Variants in PPP2R2C observed in about 807,000 individuals in gnomAD.
PPP2R2C encodes the protein protein phosphatase 2 regulatory subunit Bgamma, also known as protein phosphatase 2, regulatory subunit B, gamma.
A neutral mutation model predicts 45.3 loss-of-function variants in PPP2R2C; 10 were observed. The observed-to-expected ratio is 0.22, with a 90% CI of 0.14 to 0.37. The LOEUF (loss-of-function observed/expected upper bound fraction) is 0.37. Ranked by LOEUF, PPP2R2C falls within the 10% of genes least tolerant of loss-of-function variation. The pLI, the probability that PPP2R2C is intolerant of heterozygous loss-of-function variation, is 1.00. For synonymous variants in PPP2R2C, 257 were observed against 245.4 expected (o/e 1.05, Z -0.44); for missense variants, 308 against 619.7 (o/e 0.50, Z 5.34).
intron 2 of PPP2R2C, among the ~76,000 whole-genome samples, chr4:6,530,932 G>A (rs1724376260): frequency 6.6e-6 from 1 of 152,226 alleles, no homozygotes; most frequent in South Asian, 2.1e-4. Flanking sequence ...TGACCAACAG[G>A]AGGGACACAT....
intron 1 of PPP2R2C, among the ~76,000 whole-genome samples, chr4:6,450,061 C>T (rs140606403): frequency 4.6e-5 from 7 of 152,336 alleles, no homozygotes; most frequent in East Asian, 3.9e-4. Flanking sequence ...CAGTTCCAGC[C>T]GCAAAATTAG....
At chr4:6,379,635 C>T (rs1408733105) in intron 2 of PPP2R2C, among the ~76,000 whole-genome samples, 8 of 152,240 alleles carry the variant, frequency 5.3e-5, no homozygotes, top group South Asian at 2.1e-4. Flanking sequence ...GGCTGAGCTT[C>T]GCAGTGCCTG....
chr4:6,446,288 C>T (rs947677902), intron 1 of PPP2R2C, among the ~76,000 whole-genome samples: 3 of 152,208 alleles, frequency 2.0e-5, no homozygotes, highest in African/African-American at 7.2e-5. Flanking sequence ...CACACCGACA[C>T]ACCCACAGAC....
intron 5 of PPP2R2C, chr4:6,351,405 G>T: frequency 1.0e-6 from 1 of 982,800 alleles, no homozygotes; most frequent in Non-Finnish European, 1.2e-6. Flanking sequence ...CCGAGCCACG[G>T]CAACCCAGGG....
intron 1 of PPP2R2C, among the ~76,000 whole-genome samples, chr4:6,444,335 C>T (rs983214690): frequency 5.3e-5 from 8 of 152,166 alleles, no homozygotes; most frequent in African/African-American, 1.9e-4. Flanking sequence ...GATGGAGGGC[C>T]AGGCACCGTG....
chr4:6,348,716 T>C, intron 5 of PPP2R2C: 4 of 985,322 alleles, frequency 4.1e-6, no homozygotes, highest in Non-Finnish European at 4.8e-6. Flanking sequence ...GGAGCTTCTA[T>C]CTGCTGCCAG....
At chr4:6,487,783 T>G (rs951548308) in intron 2 of PPP2R2C, among the ~76,000 whole-genome samples, 1 of 152,146 alleles carries the variant, frequency 6.6e-6, no homozygotes, top group Non-Finnish European at 1.5e-5. Context: ...TGCCAGCCAT[T>G]ATTTCTTCAG....
chr4:6,380,756 C>T (rs1715716955), intron 2 of PPP2R2C, among the ~76,000 whole-genome samples: 1 of 152,090 alleles, frequency 6.6e-6, no homozygotes, highest in South Asian at 2.1e-4. Context: ...CCCACCTCGG[C>T]ATTCCAAAGC....
At chr4:6,405,282 C>T (rs897609158) in intron 1 of PPP2R2C, among the ~76,000 whole-genome samples, 18 of 152,318 alleles carry the variant, frequency 1.2e-4, no homozygotes, top group African/African-American at 3.8e-4. Context: ...GGCTCCATAG[C>T]CACTCTGCTC....
At chr4:6,333,458 C>G in intron 7 of PPP2R2C, 104 bp downstream of exon 7, 1 of 1,316,798 alleles carries the variant, frequency 7.6e-7, no homozygotes. Flanking sequence ...CACCTACATA[C>G]CGGGCATATG....
intron 8 of PPP2R2C, among the ~76,000 whole-genome samples, chr4:6,326,114 A>T (rs76290552): frequency 6.6e-6 from 1 of 152,228 alleles, no homozygotes; most frequent in African/African-American, 2.4e-5. Flanking sequence ...AAAGTGGGCA[A>T]GTGACCCACA....
At chr4:6,431,529 G>T (rs747078468) in intron 1 of PPP2R2C, among the ~76,000 whole-genome samples, 3 of 152,176 alleles carry the variant, frequency 2.0e-5, no homozygotes, top group African/African-American at 4.8e-5. Context: ...CCCCAGCCAC[G>T]TCTGTGTCCC....
chr4:6,482,686 T>TC (rs2108779609), intron 2 of PPP2R2C, among the ~76,000 whole-genome samples: 1 of 152,358 alleles, frequency 6.6e-6, no homozygotes, highest in Non-Finnish European at 1.5e-5. Context: ...CATCTGCAAT[T>TC]AAACACAATT....
At chr4:6,342,638 C>A (rs1172462732) in intron 6 of PPP2R2C, among the ~76,000 whole-genome samples, 1 of 152,246 alleles carries the variant, frequency 6.6e-6, no homozygotes, top group East Asian at 1.9e-4. Context: ...GTGTTCCGGG[C>A]ACGGCCCTTT....
chr4:6,507,468 G>A (rs1380434955), intron 2 of PPP2R2C, among the ~76,000 whole-genome samples: 1 of 152,222 alleles, frequency 6.6e-6, no homozygotes, highest in Non-Finnish European at 1.5e-5. Context: ...TGGCAGCCCT[G>A]GGCTACCCTG....
At chr4:6,504,982 C>G (rs1278804305) in intron 2 of PPP2R2C, among the ~76,000 whole-genome samples, 1 of 151,990 alleles carries the variant, frequency 6.6e-6, no homozygotes, top group African/African-American at 2.4e-5. Flanking sequence ...ACAAAGAAAA[C>G]CACATAAAGG....
In PPP2R2C at chr4:6,507,695, C is replaced by A. The variant is rs143339959; in HGVS notation, c.49+27576G>T. 8.6e-3 allele frequency among the ~76,000 whole-genome samples: 1,317 copies of A among 152,330 alleles called. 13 individuals carry two copies. The highest frequency in any genetic ancestry group is 0.024 in the Middle Eastern group (7 of 294). On this transcript the variant is annotated intron_variant, in intron 2 of 9. Transcript: ENST00000506140. ...CCAGATCACAAACTCTTGAGCAAAT[C>A]AATGGTTGTTTTAAGCCACTGAATT...
intron 2 of PPP2R2C, among the ~76,000 whole-genome samples, chr4:6,497,222 A>G (rs1012088768): frequency 2.0e-5 from 3 of 152,146 alleles, no homozygotes; most frequent in African/African-American, 7.2e-5. Context: ...CCAGCTACTT[A>G]TTTTCAGAAG....
chr4:6,390,705 G>A (rs1337496507), intron 1 of PPP2R2C, among the ~76,000 whole-genome samples: 1 of 152,162 alleles, frequency 6.6e-6, no homozygotes, highest in Non-Finnish European at 1.5e-5. Context: ...GAATATCCCT[G>A]ATGGGATTTT....
Sources: gnomAD v4.1 joint callset for allele counts (sites outside exome capture counted in the v4.1 genomes callset) on GRCh38, gnomAD v4.1.1 for gene constraint, MANE v1.5 for transcripts, NCBI Gene and HGNC (gene_info 2026-07-23, HGNC 2026-07-21) for gene names.